The following RPH3A variants were observed in gnomAD, a reference collection of about 807,000 sequenced individuals.
RPH3A encodes rabphilin-3A.
Under a neutral mutation model 102.2 loss-of-function variants are expected in RPH3A, and 48 were observed. The observed-to-expected ratio is 0.47, with a 90% CI of 0.37 to 0.60. The LOEUF is 0.60. RPH3A is among the 20% of genes least tolerant of loss of function. The probability of loss-of-function intolerance (pLI) is 0.00; values close to 1 mark genes in which losing one functional copy is unlikely to be tolerated. For missense variants in RPH3A, 781 were observed against 910.1 expected, an observed-to-expected ratio of 0.86 and a Z score of 1.83; for synonymous variants, 310 against 324.3, an observed-to-expected ratio of 0.96 and a Z score of 0.47.
At chr12:112,857,103 C>G (rs981448644) in intron 5 of RPH3A, among the ~76,000 whole-genome samples, 1 of 152,138 alleles carries the variant, frequency 6.6e-6, no homozygotes, top group Non-Finnish European at 1.5e-5. Flanking sequence ...GGAGTCTACG[C>G]TTTCTTGGGG....
chr12:112,603,969 C>T (rs2039576568), intron 1 of RPH3A, among the ~76,000 whole-genome samples: 1 of 152,192 alleles, frequency 6.6e-6, no homozygotes, highest in African/African-American at 2.4e-5. Flanking sequence ...ATTAACCAGG[C>T]AACTGGTTCT....
chr12:112,714,589 A>T (rs1344355500), intron 1 of RPH3A, among the ~76,000 whole-genome samples: 1 of 152,190 alleles, frequency 6.6e-6, no homozygotes, highest in African/African-American at 2.4e-5. Context: ...CTTGTGAGAA[A>T]GTATAAAAGC....
intron 1 of RPH3A, among the ~76,000 whole-genome samples, chr12:112,581,581 C>G (rs888551189): frequency 6.6e-6 from 1 of 152,176 alleles, no homozygotes; most frequent in Non-Finnish European, 1.5e-5. Context: ...TGGGAGGTAG[C>G]TAGAGATGGG....
At chr12:112,713,105 A>AT (rs1367444341) in intron 1 of RPH3A, among the ~76,000 whole-genome samples, 1 of 64,818 alleles carries the variant, frequency 1.5e-5, no homozygotes, top group Non-Finnish European at 3.3e-5. Context: ...TTCTTCTTTT[A>AT]TTTTTTTGTA....
chr12:112,659,600 A>G (rs1481713016), intron 1 of RPH3A, among the ~76,000 whole-genome samples: 1 of 152,202 alleles, frequency 6.6e-6, no homozygotes, highest in Non-Finnish European at 1.5e-5. Flanking sequence ...TTCTACAAGT[A>G]AAGTTATCCT....
chr12:112,674,446 T>C (rs529705598), intron 1 of RPH3A, among the ~76,000 whole-genome samples: 13 of 152,162 alleles, frequency 8.5e-5, no homozygotes, highest in Non-Finnish European at 1.8e-4. Flanking sequence ...ATTAGTGGAT[T>C]TTGCTGCAGT....
At chr12:112,891,889 C>T (rs1020222206) in intron 19 of RPH3A, among the ~76,000 whole-genome samples, 3 of 152,210 alleles carry the variant, frequency 2.0e-5, no homozygotes, top group Non-Finnish European at 4.4e-5. Flanking sequence ...TCATAGCCAC[C>T]GCTGTGTCAG....
intron 1 of RPH3A, among the ~76,000 whole-genome samples, chr12:112,617,465 T>C (rs940822262): frequency 6.6e-6 from 1 of 152,138 alleles, no homozygotes; most frequent in African/African-American, 2.4e-5. Context: ...CACTCACCCA[T>C]TCACTCACTC....
At chr12:112,638,399 A>G (rs2039863001) in intron 1 of RPH3A, among the ~76,000 whole-genome samples, 1 of 152,166 alleles carries the variant, frequency 6.6e-6, no homozygotes, top group South Asian at 2.1e-4. Context: ...ACTTACGCAT[A>G]TCTTATCCCA....
intron 1 of RPH3A, among the ~76,000 whole-genome samples, chr12:112,677,415 CTCCTTCCT>C (rs879603208): frequency 0.079 from 2,608 of 33,028 alleles, 292 homozygotes; most frequent in Non-Finnish European, 0.1. Flanking sequence ...CCCTCCTTCC[CTCCTTCCT>C]TCCTTCCTTC....
At chr12:112,872,895 C>G (rs1460434065) in intron 10 of RPH3A, among the ~76,000 whole-genome samples, 1 of 152,232 alleles carries the variant, frequency 6.6e-6, no homozygotes, top group Non-Finnish European at 1.5e-5. Flanking sequence ...GGGTTAGCTG[C>G]TACCTTCTCT....
chr12:112,765,842 C>T (rs7966426), intron 1 of RPH3A, among the ~76,000 whole-genome samples: 14,154 of 152,140 alleles, frequency 0.093, 1,792 homozygotes, highest in African/African-American at 0.28. Flanking sequence ...GGAGCAGCGG[C>T]CCATTCATAT....
chr12:112,629,064 A>G (rs1226334872), intron 1 of RPH3A, among the ~76,000 whole-genome samples: 10 of 152,320 alleles, frequency 6.6e-5, no homozygotes, highest in African/African-American at 2.4e-4. Flanking sequence ...AGGATAATTT[A>G]AAAACTGTGC....
chr12:112,736,811 G>A (rs572390251), intron 1 of RPH3A, among the ~76,000 whole-genome samples: 5 of 152,130 alleles, frequency 3.3e-5, no homozygotes, highest in African/African-American at 1.2e-4. Flanking sequence ...TGGACATAGT[G>A]GGGGAATCTC....
chr12:112,719,662 C>G (rs2040538706), intron 1 of RPH3A, among the ~76,000 whole-genome samples: 1 of 142,846 alleles, frequency 7.0e-6, no homozygotes, highest in Admixed American at 7.4e-5. Context: ...TGACTAACAG[C>G]CTCTTTGGGA....
chr12:112,705,700 T>A, intron 1 of RPH3A, among the ~76,000 whole-genome samples: 1 of 152,252 alleles, frequency 6.6e-6, no homozygotes, highest in Admixed American at 6.5e-5. Flanking sequence ...TATGTTTAAA[T>A]GTTTAAATTT....
chr12:112,628,729 C>A (rs551814421), intron 1 of RPH3A, among the ~76,000 whole-genome samples: 1 of 151,388 alleles, frequency 6.6e-6, no homozygotes, highest in African/African-American at 2.4e-5. Flanking sequence ...AGAGTGAGAC[C>A]CCATCTCTGA....
At chr12:112,765,184 A>G (rs960471327) in intron 1 of RPH3A, among the ~76,000 whole-genome samples, 2 of 151,058 alleles carry the variant, frequency 1.3e-5, no homozygotes, top group African/African-American at 4.9e-5. Context: ...ATATGTGGGG[A>G]GTCAAGAGAT....
intron 7 of RPH3A, among the ~76,000 whole-genome samples, 183 bp downstream of exon 7, chr12:112,867,023 A>G (rs1051090783): frequency 2.0e-5 from 3 of 149,394 alleles, no homozygotes; most frequent in Non-Finnish European, 4.5e-5. Flanking sequence ...CTTCCTTCCC[A>G]TCCTCTCTTC....
Sources: allele counts gnomAD v4.1 joint callset (sites outside exome capture counted in the v4.1 genomes callset), GRCh38; gene constraint gnomAD v4.1.1; transcripts MANE v1.5; gene names NCBI Gene and HGNC (gene_info 2026-07-23, HGNC 2026-07-21).